The following TVP23A variants were observed in gnomAD, a reference collection of about 807,000 sequenced individuals.
The protein encoded by TVP23A is Golgi apparatus membrane protein TVP23 homolog A.
A neutral mutation model predicts 31.7 loss-of-function variants in TVP23A; 21 were observed. That is an observed-to-expected ratio of 0.66 (90% CI 0.47 to 0.95). TVP23A has a LOEUF of 0.95. Ranked by LOEUF, TVP23A falls within the 40% of genes least tolerant of loss-of-function variation. TVP23A has a pLI of 0.00. For synonymous variants in TVP23A, 104 were observed against 96.0 expected, an observed-to-expected ratio of 1.08 and a Z score of -0.49; for missense variants, 279 against 255.6, an observed-to-expected ratio of 1.09 and a Z score of -0.62.
Position 10,767,867 on chromosome 16 carries a change from A to G in TVP23A, c.*1235T>C. On this transcript the variant is annotated 3_prime_UTR_variant, in exon 8 of 8. Coordinates refer to ENST00000299866, the MANE Select transcript of TVP23A (RefSeq NM_001079512.4). This position sits in a 1 kb window ranked among gnomAD's most constrained non-coding sequence, Gnocchi z 4.6. ...GGCTCAAGATCTTCCCATTGTCACC[A>G]GCACGGAAAGAGCCCCAAGATCTTG... 7.8e-7 allele frequency: 1 copy of G among 1,281,146 alleles called. No individual in the cohort carries two copies. Among genetic ancestry groups the G allele is most frequent in the South Asian group, 1.2e-5 (1 of 83,738 alleles). The allele number at this position is 1,281,146 out of a possible 1,614,324, so 79.4% of individuals were successfully genotyped here.
chr16:10,817,994 C>T, intron 2 of TVP23A, 109 bp downstream of exon 2: 1 of 969,400 alleles, frequency 1.0e-6, no homozygotes, highest in Non-Finnish European at 1.6e-6. Context: ...GTCCCCAGCC[C>T]CAGACCTGGC....
intron 2 of TVP23A, chr16:10,775,501 C>T (rs893550041): frequency 9.5e-6 from 10 of 1,053,788 alleles, no homozygotes; most frequent in East Asian, 7.8e-5. Context: ...CAAGCTCACA[C>T]GCAGCCCACG....
downstream of TVP23A, chr16:10,766,656 A>C: frequency 3.6e-6 from 1 of 279,936 alleles, no homozygotes; most frequent in Non-Finnish European, 6.6e-6. This position sits in a 1 kb window ranked among gnomAD's most constrained non-coding sequence, Gnocchi z 4.8. Context: ...GGAACAAAAA[A>C]TTGGACAAAA....
chr16:10,806,524 CAG>C (rs2033953367), intron 2 of TVP23A, among the ~76,000 whole-genome samples: 1 of 152,080 alleles, frequency 6.6e-6, no homozygotes, highest in Non-Finnish European at 1.5e-5. Flanking sequence ...TTTATTTTGA[CAG>C]AGTTTCATTT....
At chr16:10,764,972 G>A, downstream of TVP23A, 1 of 171,018 alleles carries the variant, frequency 5.8e-6, no homozygotes, top group South Asian at 9.9e-5. Flanking sequence ...AGCCACCAGG[G>A]CATTCCTGAG....
intron 2 of TVP23A, among the ~76,000 whole-genome samples, chr16:10,803,692 G>A (rs538798265): frequency 1.3e-4 from 20 of 152,172 alleles, no homozygotes; most frequent in African/African-American, 3.1e-4. Flanking sequence ...TGAGGCTCTC[G>A]GTTCTTTATT....
At chr16:10,758,887 G>A (rs560211784), downstream of TVP23A, among the ~76,000 whole-genome samples, 51 of 152,298 alleles carry the variant, frequency 3.3e-4, no homozygotes, top group African/African-American at 1.1e-3. Context: ...TGGTGAGCCC[G>A]AGCTGAGAGG....
At chr16:10,812,171 C>T (rs1168031732) in intron 2 of TVP23A, among the ~76,000 whole-genome samples, 1 of 150,508 alleles carries the variant, frequency 6.6e-6, no homozygotes, top group Non-Finnish European at 1.5e-5. Context: ...GCATCATTAA[C>T]CATTAGGGAT....
chr16:10,792,508 G>A (rs185451078), intron 2 of TVP23A, among the ~76,000 whole-genome samples: 144 of 152,256 alleles, frequency 9.5e-4, no homozygotes, highest in Non-Finnish European at 1.7e-3. Flanking sequence ...GCACTTTAAC[G>A]AGTCTCCCGA....
chr16:10,808,601 C>T (rs1306304499), intron 2 of TVP23A: 7 of 452,470 alleles, frequency 1.5e-5, no homozygotes, highest in South Asian at 6.2e-5. Flanking sequence ...TTTTGAGACC[C>T]GGTCTCTACA....
At chr16:10,765,893 G>A (rs1220014083), downstream of TVP23A, 2 of 152,328 alleles carry the variant, frequency 1.3e-5, no homozygotes, top group Admixed American at 6.5e-5. This position sits in a 1 kb window ranked among gnomAD's most constrained non-coding sequence, Gnocchi z 4.0. Flanking sequence ...CACCTTGAGG[G>A]GAAGCCACAG....
intron 2 of TVP23A, among the ~76,000 whole-genome samples, chr16:10,789,665 T>TA (rs969812242): frequency 0.22 from 11,943 of 55,248 alleles, 1,775 homozygotes; most frequent in East Asian, 0.62. Flanking sequence ...CCATCTCTAC[T>TA]AAAAAAAAAA....
intron 2 of TVP23A, among the ~76,000 whole-genome samples, chr16:10,793,253 G>A (rs1046858591): frequency 1.3e-5 from 2 of 152,138 alleles, no homozygotes; most frequent in African/African-American, 2.4e-5. Context: ...TCCAGCCTGG[G>A]CGACACAGCA....
Position 10,768,975 on chromosome 16 carries a change from C to A in TVP23A, c.*127G>T. The A allele has an allele frequency of 1.4e-6, 2 of 1,380,500 alleles. No individual in the cohort carries two copies. The highest frequency in any genetic ancestry group is 2.1e-6 in the Non-Finnish European group (2 of 970,206). The allele number at this position is 1,380,500 out of a possible 1,614,324, so 85.5% of individuals were successfully genotyped here. A position where few individuals can be genotyped will look rare whatever the true frequency, so the allele number is the denominator to read the frequency against. On this transcript the variant is annotated 3_prime_UTR_variant, in exon 8 of 8. Transcript: ENST00000299866. The surrounding 1 kb of genome is among the most constrained non-coding windows in gnomAD (Gnocchi z 4.3). ...CCACCCCTGTCAAAACACAGCCCTCCCCAGCACAGGACAGGGCTGTCAAGG... is the reference window on the plus strand; with the variant it reads ...CCACCCCTGTCAAAACACAGCCCTCACCAGCACAGGACAGGGCTGTCAAGG...
chr16:10,800,848 A>T (rs542579335), intron 2 of TVP23A, among the ~76,000 whole-genome samples: 1 of 152,112 alleles, frequency 6.6e-6, no homozygotes, highest in East Asian at 1.9e-4. Flanking sequence ...AAACTTAGCC[A>T]GGCATGGTGG....
At chr16:10,776,037 C>T (rs1218216383) in intron 2 of TVP23A, among the ~76,000 whole-genome samples, 1 of 150,688 alleles carries the variant, frequency 6.6e-6, no homozygotes, top group East Asian at 2.0e-4. Context: ...GCATAAGCAA[C>T]CACGCCTGGC....
chr16:10,797,298 C>T (rs995367142), intron 2 of TVP23A, among the ~76,000 whole-genome samples: 8 of 151,708 alleles, frequency 5.3e-5, no homozygotes, highest in Admixed American at 2.6e-4. Context: ...TTTGGGAGGC[C>T]GAGACGGGCG....
chr16:10,773,035 G>C (rs976648529), intron 5 of TVP23A, among the ~76,000 whole-genome samples: 1 of 152,130 alleles, frequency 6.6e-6, no homozygotes, highest in Non-Finnish European at 1.5e-5. Context: ...CAGAGATGGG[G>C]TTTTGCTATG....
chr16:10,761,591 C>A, intron 8 of TVP23A: 1 of 1,052,648 alleles, frequency 9.5e-7, no homozygotes. Flanking sequence ...GAAGTGGAAT[C>A]ACAATTAAAA....
Sources: gnomAD v4.1 joint callset for allele counts (sites outside exome capture counted in the v4.1 genomes callset) on GRCh38, gnomAD v4.1.1 for gene constraint, Gnocchi (gnomAD v3.1) non-coding constraint, MANE v1.5 for transcripts, NCBI Gene and HGNC (gene_info 2026-07-23, HGNC 2026-07-21) for gene names.